CUX2: variants seen among roughly 807,000 people sequenced by gnomAD.
CUX2 encodes the protein homeobox protein cut-like 2.
CUX2 carries 40 observed loss-of-function variants against 144.8 expected under a neutral mutation model. That is an observed-to-expected ratio of 0.28 (90% CI 0.21 to 0.36). The LOEUF (loss-of-function observed/expected upper bound fraction) is 0.36, where lower values mean the gene tolerates loss of function less well. CUX2 is among the 10% of genes least tolerant of loss of function. The pLI, the probability that CUX2 is intolerant of heterozygous loss-of-function variation, is 1.00. For synonymous variants in CUX2, 827 were observed against 875.6 expected (o/e 0.94, Z 0.98); for missense variants, 1,615 against 1,994.0 (o/e 0.81, Z 3.62).
chr12:111,348,420 C>G lies in CUX2; in HGVS notation c.*95C>G, dbSNP rs1888922398. 1 of 1,176,880 alleles carries G rather than the reference C, an allele frequency of 8.5e-7. No homozygotes were observed. Among genetic ancestry groups the G allele is most frequent in the South Asian group, 1.5e-5 (1 of 68,852 alleles). 72.9% of individuals were successfully genotyped at this position (1,176,880 alleles called of 1,614,324 possible). A position where few individuals can be genotyped will look rare whatever the true frequency, so the allele number is the denominator to read the frequency against. On this transcript the variant is annotated 3_prime_UTR_variant, in exon 22 of 22. Transcript: ENST00000261726. ...GGATGGGGTAAGGGAGGGAGGAACT[C>G]AACCATCAAAATGTGGACAGCAATG... is the stretch of plus-strand genomic sequence containing the variant.
intron 1 of CUX2, among the ~76,000 whole-genome samples, chr12:111,205,672 C>G (rs960331389): frequency 2.0e-5 from 3 of 152,168 alleles, no homozygotes; most frequent in African/African-American, 7.2e-5. Context: ...TCAAGGGGTC[C>G]TGACAACCCT....
At chr12:111,134,614 C>CTGTGTGTGTGTGTG (rs1159711656) in intron 1 of CUX2, among the ~76,000 whole-genome samples, 19 of 144,256 alleles carry the variant, frequency 1.3e-4, no homozygotes, top group African/African-American at 5.5e-4. Context: ...CTCTCTCTCT[C>CTGTGTGTGTGTGTG]TCTCTCTGTG....
chr12:111,076,565 G>T (rs1274400664), intron 1 of CUX2, among the ~76,000 whole-genome samples: 1 of 152,232 alleles, frequency 6.6e-6, no homozygotes, highest in Non-Finnish European at 1.5e-5. Context: ...GCTCCAAGGA[G>T]CCAGTGGGAG....
intron 3 of CUX2, among the ~76,000 whole-genome samples, chr12:111,221,628 A>G (rs897270309): frequency 3.3e-5 from 5 of 152,044 alleles, no homozygotes; most frequent in Non-Finnish European, 5.9e-5. Flanking sequence ...GAAATATACC[A>G]TGTTCAGTTT....
chr12:111,309,387 A>AC (rs1431603267), intron 14 of CUX2, among the ~76,000 whole-genome samples: 1 of 151,860 alleles, frequency 6.6e-6, no homozygotes, highest in Non-Finnish European at 1.5e-5. Context: ...TCGACTTCCC[A>AC]CCCCAGGCCA....
intron 1 of CUX2, among the ~76,000 whole-genome samples, chr12:111,185,426 A>G (rs1384093166): frequency 6.6e-6 from 1 of 152,158 alleles, no homozygotes; most frequent in East Asian, 1.9e-4. Flanking sequence ...CACTTTTGCC[A>G]TCTGTAAAAT....
chr12:111,319,052 G>T (rs1449690187), intron 16 of CUX2, among the ~76,000 whole-genome samples: 7 of 151,990 alleles, frequency 4.6e-5, no homozygotes, highest in Admixed American at 4.6e-4. Context: ...AGTGGCTCGA[G>T]CCTGTAATCT....
intron 1 of CUX2, among the ~76,000 whole-genome samples, chr12:111,058,024 G>A (rs911944872): frequency 3.9e-5 from 6 of 152,078 alleles, no homozygotes; most frequent in African/African-American, 2.4e-5. Context: ...AATTTTTCAC[G>A]GTAACCAGGT....
At chr12:111,165,284 A>G (rs1878066315) in intron 1 of CUX2, among the ~76,000 whole-genome samples, 1 of 152,028 alleles carries the variant, frequency 6.6e-6, no homozygotes, top group African/African-American at 2.4e-5. Context: ...GAGAAAAGAG[A>G]AGTAGGAAGG....
Position 111,087,642 on chromosome 12 carries a change from A to G in CUX2, c.63+53402A>G, listed in dbSNP as rs148667638. On this transcript the variant is annotated intron_variant, in intron 1 of 21. Coordinates refer to ENST00000261726, the MANE Select transcript of CUX2 (RefSeq NM_015267.4). ...CGACTTAGCCATAAGTTGTTTGTTCAGTCATTTTGTTTTGTATCATCCAAG... is the reference window on the plus strand; with the variant it reads ...CGACTTAGCCATAAGTTGTTTGTTCGGTCATTTTGTTTTGTATCATCCAAG... Among the ~76,000 whole-genome samples the G allele has an allele frequency of 3.1e-3, 471 of 152,300 alleles. 2 individuals are homozygous for G. Among genetic ancestry groups the G allele is most frequent in the Non-Finnish European group, 5.7e-3 (388 of 68,026 alleles).
At position 111,171,652 on chromosome 12, in the gene CUX2, T is replaced by G. The variant is rs1425742294; in HGVS notation, c.64-42548T>G. Among the ~76,000 whole-genome samples the G allele has an allele frequency of 2.0e-5, 3 of 152,168 alleles. No individual in the cohort carries two copies. The highest frequency in any genetic ancestry group is 7.2e-5 in the African/African-American group (3 of 41,424). On this transcript the variant is annotated intron_variant, in intron 1 of 21. Coordinates refer to ENST00000261726, the MANE Select transcript of CUX2 (RefSeq NM_015267.4). This position sits in a 1 kb window ranked among gnomAD's most constrained non-coding sequence, Gnocchi z 5.0. ...CTCTCTGAGGAGTCATCCCAGCCTG[T>G]GGCCACAGTGATGCTGAAGGGGTTT...
chr12:111,078,940 G>T (rs1277662016), intron 1 of CUX2, among the ~76,000 whole-genome samples: 1 of 152,170 alleles, frequency 6.6e-6, no homozygotes, highest in African/African-American at 2.4e-5. Flanking sequence ...AACACCTGGG[G>T]TCCCAGCCTA....
intron 1 of CUX2, among the ~76,000 whole-genome samples, chr12:111,067,437 A>G (rs1397732353): frequency 1.3e-5 from 2 of 152,352 alleles, no homozygotes; most frequent in East Asian, 3.8e-4. Context: ...ACCAGCCTGC[A>G]GGGAGAGGCT....
chr12:111,091,449 A>G (rs1872546507), intron 1 of CUX2, among the ~76,000 whole-genome samples: 1 of 152,156 alleles, frequency 6.6e-6, no homozygotes, highest in South Asian at 2.1e-4. Context: ...CTAAGAACAG[A>G]GATCAGGCCA....
intron 20 of CUX2, among the ~76,000 whole-genome samples, 194 bp downstream of exon 20, chr12:111,338,668 G>A (rs370967599): frequency 2.0e-5 from 3 of 152,162 alleles, no homozygotes; most frequent in Non-Finnish European, 2.9e-5. Flanking sequence ...ACAGCCTGTC[G>A]CAGTGGCAGG....
At position 111,280,490 on chromosome 12, in the gene CUX2, A is replaced by G. The variant is rs541286734; in HGVS notation, c.302-10928A>G. ...CTGGATTTTGGACCTCCAGCCTCCA[A>G]AACACAGCAGAGCAGATTCCTCTGG... On this transcript the variant is annotated intron_variant, in intron 4 of 21. Transcript: ENST00000261726. 2.6e-5 allele frequency among the ~76,000 whole-genome samples: 4 copies of G among 152,258 alleles called. No homozygotes were observed. The East Asian group carries it at 7.7e-4, about 29-fold the overall frequency.
chr12:111,091,472 G>A (rs528070962), intron 1 of CUX2, among the ~76,000 whole-genome samples: 7 of 152,178 alleles, frequency 4.6e-5, no homozygotes, highest in South Asian at 2.1e-4. Flanking sequence ...GAGGGGTGCA[G>A]GATTGGGCCA....
intron 1 of CUX2, among the ~76,000 whole-genome samples, chr12:111,162,608 T>C (rs1592790221): frequency 6.6e-6 from 1 of 152,250 alleles, no homozygotes; most frequent in African/African-American, 2.4e-5. Flanking sequence ...GAGGAAGCTC[T>C]GTGGGTAATT....
intron 18 of CUX2, among the ~76,000 whole-genome samples, chr12:111,333,782 C>T (rs1888218297): frequency 6.6e-6 from 1 of 151,980 alleles, no homozygotes; most frequent in Non-Finnish European, 1.5e-5. Context: ...TCGCTTGAAC[C>T]CGGGAAAGAG....
Sources: allele counts gnomAD v4.1 joint callset (sites outside exome capture counted in the v4.1 genomes callset), GRCh38; gene constraint gnomAD v4.1.1; non-coding constraint Gnocchi (gnomAD v3.1); transcripts MANE v1.5; gene names NCBI Gene and HGNC (gene_info 2026-07-23, HGNC 2026-07-21).